The following SPATA18 variants were observed in gnomAD, a reference collection of about 807,000 sequenced individuals.
The protein encoded by SPATA18 is spermatogenesis associated 18.
Under a neutral mutation model 68.1 loss-of-function variants are expected in SPATA18, and 54 were observed. That is an observed-to-expected ratio of 0.79 (90% confidence interval 0.64 to 0.99). The LOEUF (loss-of-function observed/expected upper bound fraction) is 0.99. SPATA18 is among the 50% of genes least tolerant of loss of function. SPATA18 has a pLI of 0.00. For synonymous variants in SPATA18, 242 were observed against 244.8 expected (o/e 0.99, Z 0.11); for missense variants, 724 against 681.1 (o/e 1.06, Z -0.70).
rs12641673 is a variant in SPATA18 at position 52,079,041 on chromosome 4, G to A, written c.1179+148G>A. 0.6 allele frequency: 491,989 copies of A among 824,246 alleles called. 157,009 individuals are homozygous for A. The highest frequency in any genetic ancestry group is 0.66 in the Non-Finnish European group (393,452 of 592,018). The allele number at this position is 824,246 out of a possible 1,614,324, so 51.1% of individuals were successfully genotyped here. ...GGAACAGCATTCAATTTACTTGGTAGCACCTGCCATTATTGACTGTTTCTT... is the reference window on the plus strand; with the variant it reads ...GGAACAGCATTCAATTTACTTGGTAACACCTGCCATTATTGACTGTTTCTT... On this transcript the variant is annotated intron_variant, in intron 8 of 12. Coordinates refer to ENST00000295213, the MANE Select transcript of SPATA18 (RefSeq NM_145263.4).
chr4:52,091,008 A>G (rs1741892724), intron 11 of SPATA18, among the ~76,000 whole-genome samples: 1 of 151,304 alleles, frequency 6.6e-6, no homozygotes, highest in Non-Finnish European at 1.5e-5. Flanking sequence ...TTTTTTCTCT[A>G]ATCTTGTCTT....
Position 52,083,366 on chromosome 4 carries a change from T to A in SPATA18, c.1479+856T>A, listed in dbSNP as rs1441637184. On this transcript the variant is annotated intron_variant, in intron 10 of 12. Coordinates refer to ENST00000295213, the MANE Select transcript of SPATA18 (RefSeq NM_145263.4). ...ACACATACAGTGGAGAAGGGGAATATTTTATTTTAAAAGAACTGAAGAAAA... is the reference window on the plus strand; with the variant it reads ...ACACATACAGTGGAGAAGGGGAATAATTTATTTTAAAAGAACTGAAGAAAA... 3 of 985,276 alleles carry A rather than the reference T, an allele frequency of 3.0e-6. No individual in the cohort carries two copies. In the African/African-American group the frequency reaches 5.2e-5, roughly 17 times the overall value. 61.0% of individuals were successfully genotyped at this position (985,276 alleles called of 1,614,324 possible).
At chr4:52,057,921 G>A (rs1358497586) in intron 1 of SPATA18, among the ~76,000 whole-genome samples, 6 of 152,224 alleles carry the variant, frequency 3.9e-5, no homozygotes, top group Non-Finnish European at 5.9e-5. Context: ...TAAGTAACTT[G>A]TGCAGGGTCA....
chr4:52,055,485 T>G (rs1262824466), intron 1 of SPATA18, among the ~76,000 whole-genome samples: 3 of 152,224 alleles, frequency 2.0e-5, no homozygotes, highest in African/African-American at 7.2e-5. Flanking sequence ...ATAGCACACA[T>G]AAACCCTTAT....
intron 8 of SPATA18, among the ~76,000 whole-genome samples, 183 bp from the exon 9 acceptor site, chr4:52,079,561 C>T (rs1164064879): frequency 6.6e-6 from 1 of 152,130 alleles, no homozygotes; most frequent in South Asian, 2.1e-4. Context: ...TGTCCTCTTT[C>T]CTTCTTCCCT....
intron 6 of SPATA18, among the ~76,000 whole-genome samples, chr4:52,075,705 T>C (rs1445551776): frequency 6.6e-6 from 1 of 152,126 alleles, no homozygotes; most frequent in African/African-American, 2.4e-5. Flanking sequence ...AAAAAAGAGA[T>C]CATATAATGT....
chr4:52,058,932 C>A (rs1738593725), intron 1 of SPATA18, among the ~76,000 whole-genome samples: 1 of 152,182 alleles, frequency 6.6e-6, no homozygotes, highest in Admixed American at 6.5e-5. Context: ...TCCTATTGTA[C>A]TAGTGAGAGA....
At position 52,097,076 on chromosome 4, in the gene SPATA18, T is replaced by G. The variant is rs937169972; in HGVS notation, c.*2189T>G. ...AAGGAAAGCTAAATAGTCTGGAAAA[T>G]TTTTGGAAAGAATCCACAAAGCCAA... On this transcript the variant is annotated 3_prime_UTR_variant, in exon 13 of 13. Coordinates refer to ENST00000295213, the MANE Select transcript of SPATA18 (RefSeq NM_145263.4). 1 of 152,144 alleles carries G rather than the reference T, an allele frequency of 6.6e-6. No individual in the cohort carries two copies. Among genetic ancestry groups the G allele is most frequent in the Non-Finnish European group, 1.5e-5 (1 of 68,010 alleles). 9.4% of individuals were successfully genotyped at this position (152,144 alleles called of 1,614,324 possible). A position where few individuals can be genotyped will look rare whatever the true frequency, so the allele number is the denominator to read the frequency against.
At chr4:52,093,095 G>A (rs1397974064) in intron 11 of SPATA18, among the ~76,000 whole-genome samples, 2 of 151,896 alleles carry the variant, frequency 1.3e-5, no homozygotes, top group Admixed American at 1.3e-4. Flanking sequence ...CCATGACAAG[G>A]TTTTACCAAT....
At chr4:52,075,859 G>A (rs965400678) in intron 6 of SPATA18, among the ~76,000 whole-genome samples, 1 of 152,162 alleles carries the variant, frequency 6.6e-6, no homozygotes, top group Admixed American at 6.5e-5. Flanking sequence ...GACCATATGC[G>A]TGACCTTTCT....
In SPATA18 at chr4:52,086,679, G is replaced by T. The variant is rs1304959579; in HGVS notation, c.1563+1680G>T. On this transcript the variant is annotated intron_variant, in intron 11 of 12. Transcript: ENST00000295213. The stretch of plus-strand genomic sequence containing the variant: ...CCATTCTATCATTGATGGGCATTTG[G>T]GTTGGTTTCAAGTCTTTGCTTTTGT... Among the ~76,000 whole-genome samples the T allele has an allele frequency of 3.3e-5, 5 of 152,108 alleles. No individual in the cohort carries two copies. The East Asian group carries it at 9.6e-4, about 29-fold the overall frequency.
In SPATA18 at chr4:52,060,894, G is replaced by A. The variant is rs745540816; in HGVS notation, c.306G>A (p.Leu102=). ...GKSVDSKVPS[L]QDTFDRERHK... is the part of the protein sequence containing the mutation. ...CTGTTGACAGCAAGGTCCCCTCTCT[G>A]CAGGTAGGGATGCTGAAGGATAACC... Residue 102 remains leucine, a synonymous_variant, in exon 3 of 13, where the codon CTG becomes CTA. Coordinates refer to ENST00000295213, the MANE Select transcript of SPATA18 (RefSeq NM_145263.4). The A allele has an allele frequency of 1.9e-6, 3 of 1,612,726 alleles. No individual in the cohort carries two copies. The East Asian group carries it at 6.7e-5, about 36-fold the overall frequency.
At chr4:52,054,188 T>A (rs376790065) in intron 1 of SPATA18, among the ~76,000 whole-genome samples, 2 of 152,194 alleles carry the variant, frequency 1.3e-5, no homozygotes, top group African/African-American at 4.8e-5. Context: ...TAAGTCCAAT[T>A]TAAATTCAGA....
At chr4:52,073,305 G>C (rs552066271) in intron 6 of SPATA18, among the ~76,000 whole-genome samples, 1 of 152,326 alleles carries the variant, frequency 6.6e-6, no homozygotes, top group East Asian at 1.9e-4. Flanking sequence ...TTGCCAGGTA[G>C]TTTCTTCTGT....
Position 52,078,719 on chromosome 4 carries a change from G to C in SPATA18, c.1021-16G>C, listed in dbSNP as rs1242048123. 27 of 1,510,138 alleles carry C rather than the reference G, an allele frequency of 1.8e-5. No individual in the cohort carries two copies. The highest frequency in any genetic ancestry group is 2.3e-5 in the Non-Finnish European group (26 of 1,112,016). The allele number at this position is 1,510,138 out of a possible 1,614,324, so 93.5% of individuals were successfully genotyped here. A position where few individuals can be genotyped will look rare whatever the true frequency, so the allele number is the denominator to read the frequency against. On this transcript the variant is annotated splice_polypyrimidine_tract_variant and intron_variant, in intron 7 of 12. Coordinates refer to ENST00000295213, the MANE Select transcript of SPATA18 (RefSeq NM_145263.4). ...CCTCTTTTCACCAAATAAATTTGCT[G>C]CATTTTTATGTGCAGGAGGCATTCC...
At chr4:52,067,582 C>T (rs563199083) in intron 4 of SPATA18, among the ~76,000 whole-genome samples, 1 of 152,222 alleles carries the variant, frequency 6.6e-6, no homozygotes, top group South Asian at 2.1e-4. Flanking sequence ...TCCACTGGCT[C>T]TTTGCATGCC....
chr4:52,064,806 C>T (rs1739183100), intron 4 of SPATA18, among the ~76,000 whole-genome samples: 1 of 152,180 alleles, frequency 6.6e-6, no homozygotes, highest in African/African-American at 2.4e-5. Context: ...AGTGGGATTG[C>T]TGGATCAAAT....
chr4:52,058,398 T>C (rs1560581553), intron 1 of SPATA18, among the ~76,000 whole-genome samples: 2 of 152,152 alleles, frequency 1.3e-5, no homozygotes, highest in Non-Finnish European at 2.9e-5. Context: ...TTACCAAGCA[T>C]GGAAATTAAC....
intron 10 of SPATA18, among the ~76,000 whole-genome samples, 164 bp from the exon 11 acceptor site, chr4:52,084,752 G>T (rs1469355577): frequency 6.6e-6 from 1 of 152,184 alleles, no homozygotes; most frequent in African/African-American, 2.4e-5. Flanking sequence ...ATATTGGGCA[G>T]CTATAGGAGG....
Sources: gnomAD v4.1 joint callset for allele counts (sites outside exome capture counted in the v4.1 genomes callset) on GRCh38, gnomAD v4.1.1 for gene constraint, MANE v1.5 for transcripts, NCBI Gene and HGNC (gene_info 2026-07-23, HGNC 2026-07-21) for gene names.